The following LGSN variants were observed in gnomAD, a reference collection of about 807,000 sequenced individuals.
LGSN encodes the protein lengsin, lens protein with glutamine synthetase domain.
LGSN carries 21 observed loss-of-function variants against 19.5 expected under a neutral mutation model. The ratio of observed to expected loss-of-function variants is 1.07; its 90% CI spans 0.76 to 1.55. The LOEUF is 1.55. Ranked by LOEUF, LGSN falls within the 40% of genes most tolerant of loss-of-function variation. The pLI, the probability that LGSN is intolerant of heterozygous loss-of-function variation, is 0.00. For missense variants in LGSN, 673 were observed against 608.5 expected (o/e 1.11, Z -1.12); for synonymous variants, 257 against 215.6 (o/e 1.19, Z -1.68).
At chr6:63,334,853 A>G in the LGSN span, among the ~76,000 whole-genome samples, 2 of 152,056 alleles carry the variant, frequency 1.3e-5, no homozygotes, top group Admixed American at 6.6e-5. Context: ...AAGAAAATAC[A>G]TTGGGCTGGG....
chr6:63,453,777 C>T, the LGSN span, among the ~76,000 whole-genome samples: 6 of 152,096 alleles, frequency 3.9e-5, no homozygotes, highest in African/African-American at 1.2e-4. Flanking sequence ...CCTCAGCCTC[C>T]CAAGTAGCTG....
At chr6:63,391,341 G>T in the LGSN span, among the ~76,000 whole-genome samples, 1 of 152,202 alleles carries the variant, frequency 6.6e-6, no homozygotes, top group African/African-American at 2.4e-5. Context: ...TCAGCCAGCA[G>T]CTGGAACTGT....
chr6:63,554,810 G>A, the LGSN span, among the ~76,000 whole-genome samples: 1 of 152,040 alleles, frequency 6.6e-6, no homozygotes, highest in Non-Finnish European at 1.5e-5. Context: ...AATTTATCAA[G>A]CTGTATTGTC....
the LGSN span, among the ~76,000 whole-genome samples, chr6:63,355,335 G>C: frequency 6.6e-6 from 1 of 152,130 alleles, no homozygotes; most frequent in African/African-American, 2.4e-5. Flanking sequence ...CTAAGTACTT[G>C]GGGCACAAAA....
the LGSN span, among the ~76,000 whole-genome samples, chr6:63,455,962 G>A: frequency 6.6e-6 from 1 of 151,906 alleles, no homozygotes; most frequent in Non-Finnish European, 1.5e-5. Flanking sequence ...AGGTGCAGTG[G>A]CTCACGCCTG....
chr6:63,417,311 C>A, the LGSN span, among the ~76,000 whole-genome samples: 2 of 152,146 alleles, frequency 1.3e-5, no homozygotes, highest in Admixed American at 1.3e-4. Flanking sequence ...CCCATACCCC[C>A]ACCCCACAAC....
chr6:63,320,048 T>G, upstream of LGSN: 2 of 870,448 alleles, frequency 2.3e-6, no homozygotes, highest in Non-Finnish European at 3.9e-6. Flanking sequence ...GATGATGAAT[T>G]CCATAGAGGC....
chr6:63,432,097 G>GAAAGA, the LGSN span, among the ~76,000 whole-genome samples: 5 of 31,268 alleles, frequency 1.6e-4, no homozygotes, highest in South Asian at 1.2e-3. Flanking sequence ...AGGAAAGAAA[G>GAAAGA]AAAGAAAGAA....
chr6:63,488,184 G>A, the LGSN span, among the ~76,000 whole-genome samples: 2 of 152,030 alleles, frequency 1.3e-5, no homozygotes, highest in African/African-American at 4.8e-5. Flanking sequence ...CTTAGGGAAG[G>A]GTCTGGGAGC....
the LGSN span, chr6:63,396,452 C>A: frequency 5.7e-6 from 1 of 174,480 alleles, no homozygotes; most frequent in South Asian, 1.3e-4. Flanking sequence ...CCATAGGCTC[C>A]CCTCATCCTT....
chr6:63,507,004 T>C, the LGSN span, among the ~76,000 whole-genome samples: 80,687 of 151,844 alleles, frequency 0.53, 23,125 homozygotes, highest in African/African-American at 0.76. Flanking sequence ...AGAGCCAATA[T>C]GAGGATGCCT....
At chr6:63,515,164 G>A in the LGSN span, among the ~76,000 whole-genome samples, 2 of 151,950 alleles carry the variant, frequency 1.3e-5, no homozygotes, top group Non-Finnish European at 2.9e-5. Context: ...CACCATGCCT[G>A]GCTTGAGCAA....
chr6:63,421,161 C>T, the LGSN span, among the ~76,000 whole-genome samples: 1 of 152,014 alleles, frequency 6.6e-6, no homozygotes, highest in African/African-American at 2.4e-5. Flanking sequence ...GTGGCTCGTG[C>T]CTGTAATCCC....
the LGSN span, chr6:63,481,999 A>G: frequency 2.6e-5 from 4 of 154,952 alleles, no homozygotes; most frequent in African/African-American, 9.6e-5. Flanking sequence ...ATTTCTGATT[A>G]TCTACGAAAT....
At chr6:63,462,300 T>G in the LGSN span, among the ~76,000 whole-genome samples, 1 of 152,084 alleles carries the variant, frequency 6.6e-6, no homozygotes, top group Admixed American at 6.6e-5. Context: ...CAGGAAATAA[T>G]AAGAACTACT....
chr6:63,360,461 A>G, the LGSN span, among the ~76,000 whole-genome samples: 1 of 152,088 alleles, frequency 6.6e-6, no homozygotes, highest in Admixed American at 6.6e-5. Context: ...TCGGCTACTG[A>G]GGCTTGTGCA....
At chr6:63,506,728 C>T in the LGSN span, among the ~76,000 whole-genome samples, 3 of 152,180 alleles carry the variant, frequency 2.0e-5, no homozygotes, top group Non-Finnish European at 4.4e-5. Flanking sequence ...ACAAGCTTCT[C>T]TTCATTTTCT....
chr6:63,412,436 A>AAGAG, the LGSN span, among the ~76,000 whole-genome samples: 9 of 137,140 alleles, frequency 6.6e-5, no homozygotes, highest in African/African-American at 2.8e-4. Flanking sequence ...GAAAGAAAGA[A>AAGAG]AGAAAGCAAG....
At chr6:63,425,760 C>T in the LGSN span, among the ~76,000 whole-genome samples, 2 of 151,248 alleles carry the variant, frequency 1.3e-5, no homozygotes, top group Admixed American at 1.3e-4. Flanking sequence ...TTGCTTCAGT[C>T]CAAAAATTCA....
Sources: gnomAD v4.1 joint callset for allele counts (sites outside exome capture counted in the v4.1 genomes callset) on GRCh38, gnomAD v4.1.1 for gene constraint, MANE v1.5 for transcripts, NCBI Gene and HGNC (gene_info 2026-07-23, HGNC 2026-07-21) for gene names.